ADAMTS9: variants seen among roughly 807,000 people sequenced by gnomAD.
ADAMTS9 encodes ADAM metallopeptidase with thrombospondin type 1 motif 9.
A neutral mutation model predicts 257.1 loss-of-function variants in ADAMTS9; 107 were observed. The ratio of observed to expected loss-of-function variants is 0.42; its 90% CI spans 0.36 to 0.49. The LOEUF is 0.49. Among genes scored for constraint, ADAMTS9 ranks in the 20% least tolerant of loss-of-function variants. The pLI is 0.03. For missense variants in ADAMTS9, 2,353 were observed against 2,469.1 expected (o/e 0.95, Z 1.00); for synonymous variants, 982 against 880.9 (o/e 1.11, Z -2.03).
At chr3:64,636,770 C>G (rs933252504) in intron 12 of ADAMTS9, among the ~76,000 whole-genome samples, 3 of 152,190 alleles carry the variant, frequency 2.0e-5, no homozygotes, top group African/African-American at 7.2e-5. Context: ...CACAGCCACA[C>G]CCACATTGTC....
chr3:64,561,781 T>G, intron 29 of ADAMTS9, 30 bp from the exon 30 acceptor site: 2 of 1,546,648 alleles, frequency 1.3e-6, no homozygotes, highest in Non-Finnish European at 1.8e-6. Flanking sequence ...AAGTGGGAGC[T>G]TCGGCTCATT....
At chr3:64,579,982 G>T (rs1394888115) in intron 28 of ADAMTS9, among the ~76,000 whole-genome samples, 1 of 152,158 alleles carries the variant, frequency 6.6e-6, no homozygotes, top group African/African-American at 2.4e-5. Context: ...CCCTGTAAAT[G>T]CAAGAAACAT....
chr3:64,570,318 G>C (rs1446421348), intron 28 of ADAMTS9, among the ~76,000 whole-genome samples: 2 of 152,106 alleles, frequency 1.3e-5, no homozygotes, highest in African/African-American at 4.8e-5. Context: ...TATTCATTGA[G>C]GTAAGTACTA....
At chr3:64,553,555 T>C (rs1177151993) in intron 30 of ADAMTS9, among the ~76,000 whole-genome samples, 1 of 152,162 alleles carries the variant, frequency 6.6e-6, no homozygotes, top group African/African-American at 2.4e-5. Flanking sequence ...TTTGGGTATA[T>C]ATACCTGGGA....
intron 12 of ADAMTS9, among the ~76,000 whole-genome samples, chr3:64,636,425 C>T (rs776690527): frequency 2.0e-5 from 3 of 152,092 alleles, no homozygotes; most frequent in Non-Finnish European, 4.4e-5. Context: ...TCTTGCCAAG[C>T]CTCCGTTTGC....
Position 64,555,473 on chromosome 3 carries a change from C to T in ADAMTS9, c.4699-4411G>A, listed in dbSNP as rs2083321844. 2.0e-5 allele frequency among the ~76,000 whole-genome samples: 3 copies of T among 152,116 alleles called. No individual in the cohort carries two copies. The South Asian group carries it at 6.2e-4, about 32-fold the overall frequency. ...CATGGCTTCGTACCCTGTCTCTCTC[C>T]CTGTTAGGACACCCAGGGTGGCAGC... On this transcript the variant is annotated intron_variant, in intron 30 of 39. Coordinates refer to ENST00000498707, the MANE Select transcript of ADAMTS9 (RefSeq NM_182920.2).
intron 16 of ADAMTS9, among the ~76,000 whole-genome samples, chr3:64,630,611 C>T (rs1700344840): frequency 6.6e-6 from 1 of 151,938 alleles, no homozygotes; most frequent in South Asian, 2.1e-4. Flanking sequence ...CACAATGGGG[C>T]TTGTGGGATG....
At chr3:64,630,335 A>T (rs1287575590) in intron 16 of ADAMTS9, among the ~76,000 whole-genome samples, 1 of 152,222 alleles carries the variant, frequency 6.6e-6, no homozygotes, top group African/African-American at 2.4e-5. Context: ...AGGCCAAGGC[A>T]GGAAGATCGC....
At chr3:64,577,807 A>G (rs1302798665) in intron 28 of ADAMTS9, among the ~76,000 whole-genome samples, 4 of 152,192 alleles carry the variant, frequency 2.6e-5, no homozygotes, top group Admixed American at 2.6e-4. Context: ...TACCTAACCA[A>G]TATCTGCCCC....
In ADAMTS9 at chr3:64,568,402, C is replaced by T; in HGVS notation, c.4490G>A (p.Arg1497Lys). Residue 1497 changes from arginine to lysine, a missense_variant, in exon 29 of 40, where the codon AGA becomes AAA. Coordinates refer to ENST00000498707, the MANE Select transcript of ADAMTS9 (RefSeq NM_182920.2). ...PHGHRKCRGG[R>K]CPKWKAGAWS... ...AGCGCCAGCTTTCCATTTGGGGCAT[C>T]TTCCTCCTCGGCACTTTCTGTGCCC... is the stretch of plus-strand genomic sequence containing the variant. 6.2e-7 allele frequency: 1 copy of T among 1,612,044 alleles called. No homozygotes were observed. The highest frequency in any genetic ancestry group is 8.5e-7 in the Non-Finnish European group (1 of 1,179,528).
At chr3:64,598,149 A>T (rs762538036) in intron 26 of ADAMTS9, among the ~76,000 whole-genome samples, 1 of 152,180 alleles carries the variant, frequency 6.6e-6, no homozygotes, top group Non-Finnish European at 1.5e-5. Context: ...TTAAATCAGT[A>T]TCTACACTTT....
At chr3:64,660,134 A>C (rs1265118891) in intron 3 of ADAMTS9, among the ~76,000 whole-genome samples, 2 of 152,240 alleles carry the variant, frequency 1.3e-5, no homozygotes, top group African/African-American at 4.8e-5. Flanking sequence ...TCAGATCATA[A>C]ATGTGCTTTA....
intron 16 of ADAMTS9, among the ~76,000 whole-genome samples, chr3:64,628,356 G>A (rs1700278855): frequency 6.6e-6 from 1 of 152,136 alleles, no homozygotes; most frequent in Non-Finnish European, 1.5e-5. Context: ...CCAAGAAAGG[G>A]AAGAATAGCA....
intron 9 of ADAMTS9, chr3:64,650,779 T>C: frequency 2.4e-6 from 1 of 422,000 alleles, no homozygotes. Flanking sequence ...CATTTCCACA[T>C]CCTCTTTAAG....
At chr3:64,628,584 C>A (rs923966837) in intron 16 of ADAMTS9, among the ~76,000 whole-genome samples, 2 of 152,128 alleles carry the variant, frequency 1.3e-5, no homozygotes, top group Non-Finnish European at 2.9e-5. Context: ...GGATTCCCCC[C>A]CCAAAATAAT....
At chr3:64,656,052 A>G (rs1027910969) in intron 4 of ADAMTS9, 177 bp from the exon 5 acceptor site, 2 of 519,730 alleles carry the variant, frequency 3.8e-6, no homozygotes, top group Admixed American at 3.7e-5. Flanking sequence ...CATAAAATTC[A>G]TAGATCACAG....
At chr3:64,647,584 G>GCTTT (rs1700829253) in intron 11 of ADAMTS9, among the ~76,000 whole-genome samples, 1 of 152,140 alleles carries the variant, frequency 6.6e-6, no homozygotes, top group Admixed American at 6.5e-5. Context: ...CTTACCAATA[G>GCTTT]CTTTCCAGTG....
At chr3:64,605,812 C>T (rs1365164945) in intron 23 of ADAMTS9, among the ~76,000 whole-genome samples, 1 of 152,132 alleles carries the variant, frequency 6.6e-6, no homozygotes, top group African/African-American at 2.4e-5. Context: ...CATACACATA[C>T]ATATGTACAT....
At chr3:64,612,618 G>A (rs1448019797) in intron 22 of ADAMTS9, among the ~76,000 whole-genome samples, 3 of 152,304 alleles carry the variant, frequency 2.0e-5, no homozygotes, top group Non-Finnish European at 4.4e-5. Context: ...CATTCTTCAA[G>A]AGATTACGCA....
Sources: allele counts gnomAD v4.1 joint callset (sites outside exome capture counted in the v4.1 genomes callset), GRCh38; gene constraint gnomAD v4.1.1; transcripts MANE v1.5; gene names NCBI Gene and HGNC (gene_info 2026-07-23, HGNC 2026-07-21).